Variants in OSTC observed in about 807,000 individuals in gnomAD.
OSTC encodes the protein oligosaccharyltransferase complex non-catalytic subunit.
A neutral mutation model predicts 16.4 loss-of-function variants in OSTC; 16 were observed. That is an observed-to-expected ratio of 0.98 (90% CI 0.66 to 1.49). The LOEUF (loss-of-function observed/expected upper bound fraction) is 1.49, where lower values mean the gene tolerates loss of function less well. OSTC is among the 40% of genes most tolerant of loss of function. The pLI is 0.00. For synonymous variants in OSTC, 67 were observed against 68.5 expected (o/e 0.98, Z 0.11); for missense variants, 139 against 186.3 (o/e 0.75, Z 1.48).
Position 108,651,531 on chromosome 4 carries a change from A to C in OSTC, c.139+737A>C, listed in dbSNP as rs1221785835. The C allele has an allele frequency of 2.0e-5, 3 of 152,188 alleles. No individual in the cohort carries two copies. The East Asian group carries it at 5.8e-4, about 29-fold the overall frequency. The allele number at this position is 152,188 out of a possible 1,614,324, so 9.4% of individuals were successfully genotyped here. ...TGTCCTTTTCAAATAGAAAATTGCA[A>C]AGGGGCGTTGCCTTATGTACTGGTG... On this transcript the variant is annotated intron_variant, in intron 1 of 3. Coordinates refer to ENST00000361564, the MANE Select transcript of OSTC (RefSeq NM_021227.4).
chr4:108,664,286 T>C (rs1441205658), intron 3 of OSTC, among the ~76,000 whole-genome samples: 1 of 152,188 alleles, frequency 6.6e-6, no homozygotes, highest in Admixed American at 6.5e-5. Context: ...TACCATAATA[T>C]ATAGCTATAT....
At chr4:108,665,775 G>A (rs182141373) in intron 3 of OSTC, among the ~76,000 whole-genome samples, 14 of 152,070 alleles carry the variant, frequency 9.2e-5, no homozygotes, top group Admixed American at 3.3e-4. Context: ...GGCTAGGCTG[G>A]TCTCGAACTC....
At chr4:108,655,762 A>C in intron 2 of OSTC, 105 bp downstream of exon 2, 1 of 751,666 alleles carries the variant, frequency 1.3e-6, no homozygotes, top group South Asian at 1.8e-5. Context: ...ATGTGTATTT[A>C]GACAACAGCT....
intron 1 of OSTC, among the ~76,000 whole-genome samples, chr4:108,652,776 C>T (rs980684531): frequency 6.6e-6 from 1 of 152,174 alleles, no homozygotes; most frequent in African/African-American, 2.4e-5. Context: ...CAGTGGCTCA[C>T]GCCTGTAATC....
Position 108,655,582 on chromosome 4 carries a change from T to C in OSTC, c.158T>C (p.Ile53Thr). ...LITGGIIYDVIVEPPSVGSMT... is the reference protein window; with the variant it reads ...LITGGIIYDVTVEPPSVGSMT... ...CTTATAGGAATAATTTATGATGTTA[T>C]TGTTGAACCTCCAAGTGTCGGTTCT... is the stretch of plus-strand genomic sequence containing the variant. The change falls in exon 2 of 4, where the codon ATT becomes ACT. Residue 53 changes from isoleucine (I) to threonine (T), a missense_variant. Transcript: ENST00000361564. 6.3e-7 allele frequency: 1 copy of C among 1,598,006 alleles called. No homozygotes were observed. Among genetic ancestry groups the C allele is most frequent in the Non-Finnish European group, 8.6e-7 (1 of 1,166,312 alleles).
intron 1 of OSTC, 101 bp downstream of exon 1, chr4:108,650,895 G>T (rs985977427): frequency 2.6e-6 from 4 of 1,534,706 alleles, no homozygotes; most frequent in East Asian, 4.6e-5. Flanking sequence ...GGGAAGCATA[G>T]CTCTGCTTTG....
Position 108,667,245 on chromosome 4 carries a change from A to G in OSTC, c.432-2A>G. On this transcript the variant is annotated splice_acceptor_variant, in intron 3 of 3. Coordinates refer to ENST00000361564, the MANE Select transcript of OSTC (RefSeq NM_021227.4). LOFTEE classifies it high-confidence loss of function. Reference sequence around the variant, plus strand: ...TTTGTGCTTATAATTATATTTCTGCAGGGGCTATCTGATGGGTTAGAGTGC... The same window carrying G: ...TTTGTGCTTATAATTATATTTCTGCGGGGGCTATCTGATGGGTTAGAGTGC... 1 of 1,608,258 alleles carries G rather than the reference A, an allele frequency of 6.2e-7. No homozygotes were observed. The highest frequency in any genetic ancestry group is 8.5e-7 in the Non-Finnish European group (1 of 1,176,492).
intron 2 of OSTC, among the ~76,000 whole-genome samples, 177 bp downstream of exon 2, chr4:108,655,834 A>G (rs1459010528): frequency 6.6e-6 from 1 of 152,202 alleles, no homozygotes; most frequent in Non-Finnish European, 1.5e-5. Context: ...TATATTATTT[A>G]TTTATTAAGA....
intron 3 of OSTC, among the ~76,000 whole-genome samples, chr4:108,666,982 G>A (rs1366863538): frequency 1.3e-5 from 2 of 151,872 alleles, no homozygotes; most frequent in African/African-American, 4.8e-5. Context: ...TCCAGCCTGG[G>A]TGACAAGAGC....
At chr4:108,661,426 C>A (rs1183737223) in intron 3 of OSTC, among the ~76,000 whole-genome samples, 1 of 151,890 alleles carries the variant, frequency 6.6e-6, no homozygotes, top group Non-Finnish European at 1.5e-5. Context: ...TCTGTATGTT[C>A]ACTGCATTTT....
chr4:108,659,039 T>C (rs1006647082), intron 3 of OSTC, among the ~76,000 whole-genome samples: 1 of 76,714 alleles, frequency 1.3e-5, no homozygotes, highest in African/African-American at 5.4e-5. Flanking sequence ...AGTGCAGTGG[T>C]GCAATCTCGG....
rs527571415 is a variant in OSTC, at chr4:108,663,292, A to G, written c.432-3955A>G. 6.7e-6 allele frequency: 3 copies of G among 450,242 alleles called. No individual in the cohort carries two copies. In the East Asian group the frequency reaches 2.1e-4, roughly 32 times the overall value. The allele number at this position is 450,242 out of a possible 1,614,324, so 27.9% of individuals were successfully genotyped here. Reference sequence around the variant, plus strand: ...AGTGGCGTGATCTCGGCTCACTACAAACTCTGCCTCCCAGGTACATACCAT... The same window carrying G: ...AGTGGCGTGATCTCGGCTCACTACAGACTCTGCCTCCCAGGTACATACCAT... On this transcript the variant is annotated intron_variant, in intron 3 of 3. Coordinates refer to ENST00000361564, the MANE Select transcript of OSTC (RefSeq NM_021227.4).
intron 1 of OSTC, among the ~76,000 whole-genome samples, chr4:108,653,542 T>C (rs1726613680): frequency 5.9e-5 from 9 of 152,172 alleles, no homozygotes. Context: ...TCAGTAGGTC[T>C]TGAATTCACT....
intron 2 of OSTC, among the ~76,000 whole-genome samples, chr4:108,656,583 T>TCA (rs56269935): frequency 1.6e-4 from 24 of 151,062 alleles, no homozygotes; most frequent in South Asian, 1.0e-3. Context: ...CCTAGAAAAA[T>TCA]CACACACACA....
chr4:108,667,402 G>A lies in OSTC; in HGVS notation c.*137G>A. The A allele has an allele frequency of 1.5e-6, 1 of 652,672 alleles. No individual in the cohort carries two copies. Among genetic ancestry groups the A allele is most frequent in the East Asian group, 3.0e-5 (1 of 33,478 alleles). 40.4% of individuals were successfully genotyped at this position (652,672 alleles called of 1,614,324 possible). A position where few individuals can be genotyped will look rare whatever the true frequency, so the allele number is the denominator to read the frequency against. On this transcript the variant is annotated 3_prime_UTR_variant, in exon 4 of 4. Coordinates refer to ENST00000361564, the MANE Select transcript of OSTC (RefSeq NM_021227.4). Reference sequence around the variant, plus strand: ...AAAAGAAATATCTAGTGAAAAAACAGGAAGCGTATTGAAGCTTGGACTAGA... The same window carrying A: ...AAAAGAAATATCTAGTGAAAAAACAAGAAGCGTATTGAAGCTTGGACTAGA...
At chr4:108,652,537 G>C (rs1726583854) in intron 1 of OSTC, among the ~76,000 whole-genome samples, 1 of 152,110 alleles carries the variant, frequency 6.6e-6, no homozygotes, top group Admixed American at 6.6e-5. Flanking sequence ...AAGGGAAGAA[G>C]TCTCTTCTAA....
At chr4:108,651,492 C>G (rs1441307816) in intron 1 of OSTC, 1 of 152,354 alleles carries the variant, frequency 6.6e-6, no homozygotes, top group East Asian at 1.9e-4. Context: ...TCTGAATTGT[C>G]TATCATCTTA....
At chr4:108,664,570 T>C (rs1726944759) in intron 3 of OSTC, among the ~76,000 whole-genome samples, 1 of 151,924 alleles carries the variant, frequency 6.6e-6, no homozygotes, top group Admixed American at 6.6e-5. Flanking sequence ...TCAATGTATA[T>C]ATCCAAAGAA....
chr4:108,653,431 C>A (rs971121854), intron 1 of OSTC, among the ~76,000 whole-genome samples: 6 of 152,046 alleles, frequency 3.9e-5, no homozygotes, highest in African/African-American at 1.4e-4. Flanking sequence ...AATGTGAGAC[C>A]AAAAGACCAA....
Sources: gnomAD v4.1 joint callset for allele counts (sites outside exome capture counted in the v4.1 genomes callset) on GRCh38, gnomAD v4.1.1 for gene constraint, MANE v1.5 for transcripts, NCBI Gene and HGNC (gene_info 2026-07-23, HGNC 2026-07-21) for gene names.